PLEKHA7: variants seen among roughly 807,000 people sequenced by gnomAD.
The protein encoded by PLEKHA7 is pleckstrin homology domain-containing family A member 7.
PLEKHA7 carries 104 observed loss-of-function variants against 170.0 expected under a neutral mutation model. That is an observed-to-expected ratio of 0.61 (90% CI 0.52 to 0.72). The LOEUF (loss-of-function observed/expected upper bound fraction) is 0.72. PLEKHA7 is among the 30% of genes least tolerant of loss of function. The pLI is 0.00. For synonymous variants in PLEKHA7, 648 were observed against 660.8 expected, an observed-to-expected ratio of 0.98 and a Z score of 0.30; for missense variants, 1,615 against 1,671.7, an observed-to-expected ratio of 0.97 and a Z score of 0.59.
chr11:16,889,416 A>ATATATATAT (rs1160462846), intron 3 of PLEKHA7, among the ~76,000 whole-genome samples: 6 of 109,812 alleles, frequency 5.5e-5, no homozygotes, highest in East Asian at 2.3e-4. Flanking sequence ...AAAAAAAAAA[A>ATATATATAT]AAAAATATAT....
chr11:16,852,404 T>G (rs774469894), intron 6 of PLEKHA7, 49 bp from the exon 7 acceptor site: 1 of 1,552,588 alleles, frequency 6.4e-7, no homozygotes, highest in Non-Finnish European at 8.8e-7. Flanking sequence ...CATACTGTTG[T>G]CCCTTTCCAA....
chr11:16,917,469 G>A (rs1366246964), intron 3 of PLEKHA7, among the ~76,000 whole-genome samples: 5 of 152,196 alleles, frequency 3.3e-5, no homozygotes, highest in Middle Eastern at 3.2e-3. Flanking sequence ...AGAGTCAGCA[G>A]AGCCGTGCTC....
At chr11:16,808,247 C>T (rs11024044) in intron 13 of PLEKHA7, among the ~76,000 whole-genome samples, 1 of 152,184 alleles carries the variant, frequency 6.6e-6, no homozygotes, top group African/African-American at 2.4e-5. Context: ...ATCACAGTCT[C>T]TAAGGGGTAG....
intron 3 of PLEKHA7, among the ~76,000 whole-genome samples, chr11:16,893,352 G>A (rs1856798661): frequency 6.6e-6 from 1 of 152,156 alleles, no homozygotes; most frequent in African/African-American, 2.4e-5. Flanking sequence ...CCAAGCAAGT[G>A]GGAAGGAAAC....
intron 10 of PLEKHA7, among the ~76,000 whole-genome samples, chr11:16,824,025 G>A (rs1288921187): frequency 6.6e-6 from 1 of 152,186 alleles, no homozygotes; most frequent in Non-Finnish European, 1.5e-5. Context: ...AACTTTGCAT[G>A]TTCTCACTCA....
At chr11:16,891,092 C>CTATTCTATTCTATTCTATTA (rs1263447196) in intron 3 of PLEKHA7, among the ~76,000 whole-genome samples, 87 of 152,014 alleles carry the variant, frequency 5.7e-4, no homozygotes, top group Middle Eastern at 6.8e-3. Flanking sequence ...CTATTCTATT[C>CTATTCTATTCTATTCTATTA]TTTTTAGAGA....
At chr11:16,942,195 T>C (rs546483702) in intron 3 of PLEKHA7, among the ~76,000 whole-genome samples, 25 of 152,120 alleles carry the variant, frequency 1.6e-4, no homozygotes, top group Non-Finnish European at 2.8e-4. Context: ...AAATTCAAAC[T>C]TGGGGGGTCA....
At chr11:16,801,208 A>G in intron 16 of PLEKHA7, 133 bp from the exon 17 acceptor site, 1 of 750,664 alleles carries the variant, frequency 1.3e-6, no homozygotes, top group Non-Finnish European at 2.3e-6. Context: ...GCCTGGTGGG[A>G]GAGAGAGAGG....
intron 12 of PLEKHA7, among the ~76,000 whole-genome samples, chr11:16,815,767 C>T (rs974478203): frequency 6.6e-6 from 1 of 152,210 alleles, no homozygotes; most frequent in African/African-American, 2.4e-5. Flanking sequence ...CCACCCACCT[C>T]GGCCTCCCAA....
At chr11:17,002,030 T>C (rs1266768207) in intron 3 of PLEKHA7, among the ~76,000 whole-genome samples, 2 of 152,210 alleles carry the variant, frequency 1.3e-5, no homozygotes, top group Admixed American at 1.3e-4. Flanking sequence ...AGCTGACATC[T>C]GTGGCGGGAG....
At chr11:16,886,260 T>A (rs75649976) in intron 3 of PLEKHA7, among the ~76,000 whole-genome samples, 2 of 152,122 alleles carry the variant, frequency 1.3e-5, no homozygotes, top group Non-Finnish European at 2.9e-5. Flanking sequence ...TTGAAAAATA[T>A]AGTCTACTGT....
Position 16,778,867 on chromosome 11 carries a change from G to A in PLEKHA7, c.*131C>T, listed in dbSNP as rs1166637117. On this transcript the variant is annotated 3_prime_UTR_variant, in exon 27 of 27. Transcript: ENST00000531066. Reference sequence around the variant, plus strand: ...GGCCTGTGGTGAACACCCGCAGTCGGTAAGCTGCTCCTTCCTCCGGCCGGA... The same window carrying A: ...GGCCTGTGGTGAACACCCGCAGTCGATAAGCTGCTCCTTCCTCCGGCCGGA... 3 of 688,690 alleles carry A rather than the reference G, an allele frequency of 4.4e-6. No individual in the cohort carries two copies. The highest frequency in any genetic ancestry group is 7.9e-6 in the Non-Finnish European group (3 of 377,490). 42.7% of individuals were successfully genotyped at this position (688,690 alleles called of 1,614,324 possible).
intron 3 of PLEKHA7, among the ~76,000 whole-genome samples, chr11:16,886,996 A>G (rs1342790871): frequency 6.6e-6 from 1 of 152,188 alleles, no homozygotes; most frequent in East Asian, 1.9e-4. Flanking sequence ...GCAAATGATA[A>G]CCTGTCTTAG....
intron 3 of PLEKHA7, among the ~76,000 whole-genome samples, chr11:16,889,420 A>AAAAATATATATATAT (rs61086849): frequency 8.0e-5 from 6 of 74,684 alleles, no homozygotes; most frequent in African/African-American, 3.1e-4. Context: ...AAAAAAAAAA[A>AAAAATATATATATAT]ATATATATAT....
At chr11:16,801,579 C>A in intron 16 of PLEKHA7, 89 bp downstream of exon 16, 1 of 1,515,656 alleles carries the variant, frequency 6.6e-7, no homozygotes, top group Non-Finnish European at 9.0e-7. Flanking sequence ...TGCCTCTGGA[C>A]ACCAACTCAA....
chr11:16,841,489 C>G, intron 9 of PLEKHA7, 58 bp downstream of exon 9: 1 of 1,558,722 alleles, frequency 6.4e-7, no homozygotes, highest in South Asian at 1.2e-5. Flanking sequence ...GAGGACCTAT[C>G]TGGGTCCCAA....
chr11:17,005,119 CG>C (rs11297032), intron 3 of PLEKHA7, among the ~76,000 whole-genome samples: 96,422 of 151,766 alleles, frequency 0.64, 31,235 homozygotes, highest in East Asian at 0.96. Flanking sequence ...TCAGACTTAA[CG>C]GGGGGGGTAA....
At chr11:16,876,670 A>G (rs1855318577) in intron 3 of PLEKHA7, among the ~76,000 whole-genome samples, 1 of 152,246 alleles carries the variant, frequency 6.6e-6, no homozygotes, top group South Asian at 2.1e-4. Context: ...TGAGGACCAT[A>G]GAGAACTGGA....
At chr11:16,807,933 G>A (rs1849103064) in intron 13 of PLEKHA7, among the ~76,000 whole-genome samples, 1 of 152,234 alleles carries the variant, frequency 6.6e-6, no homozygotes, top group Non-Finnish European at 1.5e-5. Context: ...ATGCAGCCAG[G>A]ATTGAGAAGC....
Sources: gnomAD v4.1 joint callset for allele counts (sites outside exome capture counted in the v4.1 genomes callset) on GRCh38, gnomAD v4.1.1 for gene constraint, MANE v1.5 for transcripts, NCBI Gene and HGNC (gene_info 2026-07-23, HGNC 2026-07-21) for gene names.